The following NUP210L variants were observed in gnomAD, a reference collection of about 807,000 sequenced individuals.
The protein encoded by NUP210L is nucleoporin 210 like.
Under a neutral mutation model 208.5 loss-of-function variants are expected in NUP210L, and 74 were observed. The observed-to-expected ratio is 0.35, with a 90% CI of 0.29 to 0.43. The LOEUF (loss-of-function observed/expected upper bound fraction) is 0.43, where lower values mean the gene tolerates loss of function less well. NUP210L is among the 20% of genes least tolerant of loss of function. The probability of loss-of-function intolerance (pLI) is 1.00; values close to 1 mark genes in which losing one functional copy is unlikely to be tolerated. For synonymous variants in NUP210L, 780 were observed against 816.9 expected, an observed-to-expected ratio of 0.95 and a Z score of 0.77; for missense variants, 1,843 against 2,289.4, an observed-to-expected ratio of 0.81 and a Z score of 3.98.
intron 17 of NUP210L, among the ~76,000 whole-genome samples, chr1:154,066,388 G>A (rs908992776): frequency 6.6e-6 from 1 of 152,206 alleles, no homozygotes; most frequent in Non-Finnish European, 1.5e-5. Flanking sequence ...GAGGCGGGCG[G>A]ATCACCAAGT....
At position 154,032,168 on chromosome 1, in the gene NUP210L, A is replaced by C. The variant is rs543941804; in HGVS notation, c.3697-2114T>G. ...TGAATAGTGCTGCAATAAATATGAG[A>C]GAGCAGATACCTCCTTGATATAATG... On this transcript the variant is annotated intron_variant, in intron 27 of 39. Transcript: ENST00000368559. Among the ~76,000 whole-genome samples the C allele has an allele frequency of 6.9e-4, 105 of 152,298 alleles. 1 individual carries two copies. The highest frequency in any genetic ancestry group is 1.6e-4 in the Non-Finnish European group (11 of 68,026).
intron 17 of NUP210L, among the ~76,000 whole-genome samples, chr1:154,064,536 C>T (rs528021476): frequency 4.9e-4 from 74 of 152,186 alleles, no homozygotes; most frequent in African/African-American, 1.6e-3. Flanking sequence ...CTGTTCAAGA[C>T]GAGGTTAGGT....
chr1:154,045,098 AATC>A (rs1356286510), intron 27 of NUP210L, among the ~76,000 whole-genome samples: 1 of 152,146 alleles, frequency 6.6e-6, no homozygotes, highest in Non-Finnish European at 1.5e-5. Context: ...CAGTTTAATT[AATC>A]ACTGTTCTTA....
chr1:154,016,457 A>G (rs1430033029), intron 33 of NUP210L, among the ~76,000 whole-genome samples: 1 of 152,166 alleles, frequency 6.6e-6, no homozygotes, highest in African/African-American at 2.4e-5. Context: ...CACCTACTCA[A>G]GAATATTACT....
rs184866871 is a variant in NUP210L at position 154,130,606 on chromosome 1, A to G, written c.1010-1261T>C. ...TTTTTTTTTTTTTTTTTTTTGAGAC[A>G]GGGTCTCACTCTGTCACCCAGGCTG... On this transcript the variant is annotated intron_variant, in intron 7 of 39. Coordinates refer to ENST00000368559, the Ensembl canonical transcript of NUP210L. Among the ~76,000 whole-genome samples the G allele has an allele frequency of 2.5e-3, 292 of 118,452 alleles. 1 individual carries two copies. The highest frequency in any genetic ancestry group is 9.0e-3 in the African/African-American group (280 of 31,186). The allele number at this position is 118,452 out of a possible 152,430, so 77.7% of individuals were successfully genotyped here.
chr1:154,137,099 T>C (rs942511626), intron 6 of NUP210L, among the ~76,000 whole-genome samples: 6 of 152,186 alleles, frequency 3.9e-5, no homozygotes, highest in African/African-American at 1.2e-4. Context: ...AAGCTTTAAT[T>C]GTTTTATTTA....
chr1:154,051,069 T>C (rs1014748140), intron 25 of NUP210L, among the ~76,000 whole-genome samples: 2 of 152,324 alleles, frequency 1.3e-5, no homozygotes, highest in Admixed American at 6.5e-5. Context: ...ATTTACCCAA[T>C]TGCAAATAGC....
At chr1:154,037,135 GCTGAGTAGATGAATGTGTATT>G (rs1293555613) in intron 27 of NUP210L, among the ~76,000 whole-genome samples, 2 of 152,130 alleles carry the variant, frequency 1.3e-5, no homozygotes, top group Non-Finnish European at 2.9e-5. Context: ...TGAGCCACGT[GCTGAGTAGATGAATGTGTATT>G]CTGCAGCTGT....
intron 13 of NUP210L, among the ~76,000 whole-genome samples, chr1:154,102,766 T>G (rs1471561850): frequency 1.3e-5 from 2 of 152,210 alleles, no homozygotes; most frequent in Admixed American, 6.5e-5. Flanking sequence ...ATTCATATTT[T>G]CTGTTTTATT....
chr1:154,038,347 T>TTTA (rs1284246722), intron 27 of NUP210L, among the ~76,000 whole-genome samples: 1 of 150,748 alleles, frequency 6.6e-6, no homozygotes, highest in African/African-American at 2.4e-5. Context: ...CTTTTTTTTT[T>TTTA]TTTTTTATTT....
At chr1:154,126,295 A>AT (rs1435573343) in intron 10 of NUP210L, 28 bp downstream of exon 10, 2 of 1,598,494 alleles carry the variant, frequency 1.3e-6, no homozygotes, top group African/African-American at 2.7e-5. Context: ...TGTTCTTAGA[A>AT]TACAAACACT....
intron 12 of NUP210L, among the ~76,000 whole-genome samples, chr1:154,117,417 C>A (rs1169396277): frequency 3.3e-5 from 5 of 152,100 alleles, no homozygotes; most frequent in Admixed American, 1.3e-4. Flanking sequence ...CCCACCTCTA[C>A]TAAAAATACA....
intron 30 of NUP210L, among the ~76,000 whole-genome samples, chr1:154,023,615 T>A (rs1207280025): frequency 6.6e-6 from 1 of 151,894 alleles, no homozygotes; most frequent in African/African-American, 2.4e-5. Flanking sequence ...GTAGCTGTGA[T>A]TACAGGCATC....
At position 154,110,444 on chromosome 1, in the gene NUP210L, G is replaced by A. The variant is rs1308237411; in HGVS notation, c.1621-6234C>T. On this transcript the variant is annotated intron_variant, in intron 12 of 39. Transcript: ENST00000368559. Reference sequence around the variant, plus strand: ...ACGCCACCATGCCTGGCTAATTTTTGTATTTTTAGTAGAGACAGGGTTTCA... The same window carrying A: ...ACGCCACCATGCCTGGCTAATTTTTATATTTTTAGTAGAGACAGGGTTTCA... Among the ~76,000 whole-genome samples the A allele has an allele frequency of 2.0e-5, 3 of 150,694 alleles. No individual in the cohort carries two copies. The East Asian group carries it at 6.0e-4, about 30-fold the overall frequency.
At chr1:154,150,702 T>G (rs1659337481) in intron 2 of NUP210L, among the ~76,000 whole-genome samples, 1 of 129,066 alleles carries the variant, frequency 7.7e-6, no homozygotes, top group African/African-American at 3.0e-5. Context: ...CACTCCAGCC[T>G]GGATAACACA....
At chr1:154,154,335 C>A (rs1659575027) in intron 1 of NUP210L, among the ~76,000 whole-genome samples, 1 of 152,174 alleles carries the variant, frequency 6.6e-6, no homozygotes, top group South Asian at 2.1e-4. Context: ...GCTTAGTTAA[C>A]CCCCAATACT....
chr1:154,099,918 C>T, intron 14 of NUP210L, 80 bp downstream of exon 14: 2 of 1,401,368 alleles, frequency 1.4e-6, no homozygotes, highest in Non-Finnish European at 2.0e-6. Context: ...GTGGGGACCA[C>T]AGATAGCTAG....
At chr1:154,027,091 A>C (rs1276709042) in intron 29 of NUP210L, among the ~76,000 whole-genome samples, 3 of 143,314 alleles carry the variant, frequency 2.1e-5, no homozygotes, top group Admixed American at 6.9e-5. Flanking sequence ...AAAAAAAAAA[A>C]AAAAACAAAA....
Position 154,046,280 on chromosome 1 carries a change from C to T in NUP210L, c.3564+9G>A, listed in dbSNP as rs780850730. Reference sequence around the variant, plus strand: ...AATAATGAGCCCTGAACAGAGCCATCATACTGACCTTGGTAGCTGTGATGA... The same window carrying T: ...AATAATGAGCCCTGAACAGAGCCATTATACTGACCTTGGTAGCTGTGATGA... On this transcript the variant is annotated intron_variant, in intron 26 of 39. Coordinates refer to ENST00000368559, the Ensembl canonical transcript of NUP210L. The T allele has an allele frequency of 6.2e-7, 1 of 1,614,126 alleles. No individual in the cohort carries two copies. The highest frequency in any genetic ancestry group is 2.2e-5 in the East Asian group (1 of 44,880).
Sources: allele counts gnomAD v4.1 joint callset (sites outside exome capture counted in the v4.1 genomes callset), GRCh38; gene constraint gnomAD v4.1.1; transcripts MANE v1.5; gene names NCBI Gene and HGNC (gene_info 2026-07-23, HGNC 2026-07-21).